Variants in MYO16 observed in about 807,000 individuals in gnomAD.
MYO16 encodes unconventional myosin-XVI.
MYO16 carries 94 observed loss-of-function variants against 205.3 expected under a neutral mutation model. The observed-to-expected ratio is 0.46, with a 90% CI of 0.39 to 0.54. MYO16 has a LOEUF of 0.54. Among genes scored for constraint, MYO16 ranks in the 20% least tolerant of loss-of-function variants. The probability of loss-of-function intolerance (pLI) is 0.00; values close to 1 mark genes in which losing one functional copy is unlikely to be tolerated. For missense variants in MYO16, 2,315 were observed against 2,387.5 expected (o/e 0.97, Z 0.63); for synonymous variants, 988 against 954.0 (o/e 1.04, Z -0.66).
chr13:108,901,145 A>G (rs1487778319), intron 15 of MYO16, among the ~76,000 whole-genome samples: 1 of 152,318 alleles, frequency 6.6e-6, no homozygotes, highest in Non-Finnish European at 1.5e-5. Context: ...ATGGGTGCCC[A>G]AAACTTCATT....
At chr13:109,025,631 G>C (rs148704643) in intron 23 of MYO16, among the ~76,000 whole-genome samples, 100 of 152,262 alleles carry the variant, frequency 6.6e-4, no homozygotes, top group African/African-American at 2.4e-3. Flanking sequence ...TGATTTACAT[G>C]ATGGATAAGC....
chr13:108,980,019 A>G (rs1395939436), intron 20 of MYO16, among the ~76,000 whole-genome samples: 1 of 152,174 alleles, frequency 6.6e-6, no homozygotes, highest in Non-Finnish European at 1.5e-5. Context: ...TATTGACCCA[A>G]TAAAGAACTA....
chr13:109,012,913 T>C (rs1885651691), intron 22 of MYO16, among the ~76,000 whole-genome samples: 1 of 151,998 alleles, frequency 6.6e-6, no homozygotes, highest in Admixed American at 6.6e-5. Flanking sequence ...AATATCACAG[T>C]CACTTCTCCT....
intron 10 of MYO16, among the ~76,000 whole-genome samples, chr13:108,848,149 G>A (rs1383323216): frequency 6.6e-6 from 1 of 152,052 alleles, no homozygotes; most frequent in Admixed American, 6.5e-5. Context: ...GGAGATGGAT[G>A]TATTATTTGT....
In MYO16 at chr13:109,140,601, C is replaced by G; in HGVS notation, c.4389C>G (p.Asp1463Glu). ...AGGAGATGAAGTGTTGCCTGCCCGACGACGGCGGCCCGGGCGCGGGCTCCT... is the reference window on the plus strand; with the variant it reads ...AGGAGATGAAGTGTTGCCTGCCCGAGGACGGCGGCCCGGGCGCGGGCTCCT... ...VYEEMKCCLPDDGGPGAGSFL... is the reference protein window; with the variant it reads ...VYEEMKCCLPEDGGPGAGSFL... Residue 1463 changes from aspartate to glutamate, a missense_variant, in exon 32 of 35, where the codon GAC becomes GAG. Transcript: ENST00000457511. The surrounding 1 kb of genome is among the most constrained non-coding windows in gnomAD (Gnocchi z 8.0). The G allele has an allele frequency of 3.9e-6, 6 of 1,520,464 alleles. No individual in the cohort carries two copies. Among genetic ancestry groups the G allele is most frequent in the Non-Finnish European group, 4.4e-6 (5 of 1,140,242 alleles). 94.2% of individuals were successfully genotyped at this position (1,520,464 alleles called of 1,614,324 possible). A position where few individuals can be genotyped will look rare whatever the true frequency, so the allele number is the denominator to read the frequency against.
At chr13:108,758,754 A>C (rs1033190726) in intron 4 of MYO16, among the ~76,000 whole-genome samples, 3 of 152,216 alleles carry the variant, frequency 2.0e-5, no homozygotes, top group Non-Finnish European at 2.9e-5. Flanking sequence ...GTTCATACAC[A>C]TTTAAACTTA....
intron 2 of MYO16, among the ~76,000 whole-genome samples, chr13:108,692,699 T>A (rs951727570): frequency 6.6e-6 from 1 of 152,220 alleles, no homozygotes; most frequent in Non-Finnish European, 1.5e-5. Context: ...GAATGCTTAA[T>A]GGGGCATATG....
chr13:109,072,900 T>A (rs953457443), intron 27 of MYO16, among the ~76,000 whole-genome samples: 1 of 152,150 alleles, frequency 6.6e-6, no homozygotes, highest in Non-Finnish European at 1.5e-5. Flanking sequence ...TCTCATCTTC[T>A]TTCCTTTCTT....
chr13:108,744,488 C>A (rs768883171), intron 4 of MYO16, among the ~76,000 whole-genome samples: 11 of 152,132 alleles, frequency 7.2e-5, no homozygotes, highest in Non-Finnish European at 1.5e-4. Flanking sequence ...CTTTATTGTT[C>A]CTCTCACGTT....
chr13:109,157,242 CAAAAAAAAAAAAAA>C (rs56176251), intron 32 of MYO16, among the ~76,000 whole-genome samples: 10 of 108,162 alleles, frequency 9.2e-5, no homozygotes, highest in East Asian at 3.2e-4. Flanking sequence ...TTAGTATTTA[CAAAAAAAAAAAAAA>C]AAAAAAAAAA....
intron 12 of MYO16, among the ~76,000 whole-genome samples, chr13:108,869,568 CAA>C (rs35097052): frequency 5.7e-4 from 82 of 143,120 alleles, no homozygotes; most frequent in Middle Eastern, 3.5e-3. Context: ...ACTAAAAATA[CAA>C]AAAAAAAAAA....
chr13:108,907,020 T>G (rs1353625529), intron 15 of MYO16, among the ~76,000 whole-genome samples: 2 of 152,142 alleles, frequency 1.3e-5, no homozygotes, highest in Admixed American at 6.5e-5. Context: ...ATGTTTTTGG[T>G]GCTTGCTAAT....
chr13:108,615,027 G>A (rs1879302074), intron 1 of MYO16, among the ~76,000 whole-genome samples: 1 of 151,962 alleles, frequency 6.6e-6, no homozygotes, highest in Admixed American at 6.6e-5. Flanking sequence ...ACAACACATA[G>A]AATGGGAGAA....
intron 10 of MYO16, among the ~76,000 whole-genome samples, chr13:108,845,785 T>C (rs567788218): frequency 6.6e-6 from 1 of 152,296 alleles, no homozygotes; most frequent in South Asian, 2.1e-4. Flanking sequence ...GTCACAATCA[T>C]GGCTCATTGC....
chr13:108,557,735 T>C, the MYO16 span, among the ~76,000 whole-genome samples: 1 of 152,106 alleles, frequency 6.6e-6, no homozygotes, highest in Admixed American at 6.5e-5. Context: ...ATATAATGAA[T>C]GAAAAGAGGT....
chr13:109,012,543 T>A (rs549799054), intron 22 of MYO16, among the ~76,000 whole-genome samples: 1 of 152,204 alleles, frequency 6.6e-6, no homozygotes, highest in Admixed American at 6.5e-5. Flanking sequence ...AAGGGCACAA[T>A]AAATGTAATG....
chr13:108,652,707 C>G (rs1881065311), intron 1 of MYO16, among the ~76,000 whole-genome samples: 1 of 152,174 alleles, frequency 6.6e-6, no homozygotes, highest in Admixed American at 6.5e-5. Context: ...CAATATCCAT[C>G]CATGTTGTGG....
chr13:108,960,563 A>G (rs906487733), intron 17 of MYO16, among the ~76,000 whole-genome samples: 4 of 152,184 alleles, frequency 2.6e-5, no homozygotes, highest in Non-Finnish European at 4.4e-5. Context: ...CAAGAAGTGT[A>G]TTGTTTCCAC....
At chr13:108,762,051 T>C (rs189853298) in intron 4 of MYO16, among the ~76,000 whole-genome samples, 2 of 152,324 alleles carry the variant, frequency 1.3e-5, no homozygotes, top group Non-Finnish European at 2.9e-5. Flanking sequence ...TGTATGTCCA[T>C]ATGTACACAT....
Sources: allele counts gnomAD v4.1 joint callset (sites outside exome capture counted in the v4.1 genomes callset), GRCh38; gene constraint gnomAD v4.1.1; non-coding constraint Gnocchi (gnomAD v3.1); transcripts MANE v1.5; gene names NCBI Gene and HGNC (gene_info 2026-07-23, HGNC 2026-07-21).